The following KAZN variants were observed in gnomAD, a reference collection of about 807,000 sequenced individuals.
KAZN encodes the protein kazrin.
KAZN carries 40 observed loss-of-function variants against 87.4 expected under a neutral mutation model. That is an observed-to-expected ratio of 0.46 (90% CI 0.36 to 0.60). KAZN has a LOEUF of 0.60. Among genes scored for constraint, KAZN ranks in the 20% least tolerant of loss-of-function variants. The probability of loss-of-function intolerance (pLI) is 0.00; values close to 1 mark genes in which losing one functional copy is unlikely to be tolerated. For missense variants in KAZN, 898 were observed against 1,073.9 expected, an observed-to-expected ratio of 0.84 and a Z score of 2.29; for synonymous variants, 466 against 458.3, an observed-to-expected ratio of 1.02 and a Z score of -0.22.
At chr1:14,839,655 T>G (rs536430595) in intron 1 of KAZN, among the ~76,000 whole-genome samples, 40 of 152,298 alleles carry the variant, frequency 2.6e-4, no homozygotes, top group African/African-American at 9.1e-4. Context: ...TCTACCTGTT[T>G]GTGTGTTTGT....
intron 2 of KAZN, among the ~76,000 whole-genome samples, chr1:14,310,390 G>A (rs1571275412): frequency 1.3e-5 from 2 of 152,126 alleles, no homozygotes; most frequent in South Asian, 2.1e-4. Context: ...AGCAGGCCTC[G>A]GATGGTTAAA....
chr1:14,143,679 A>G (rs1645287740), intron 1 of KAZN, among the ~76,000 whole-genome samples: 1 of 151,868 alleles, frequency 6.6e-6, no homozygotes, highest in African/African-American at 2.4e-5. Context: ...GGACTTTGTA[A>G]TTGCTCATCC....
intron 1 of KAZN, among the ~76,000 whole-genome samples, chr1:14,883,342 GAA>G (rs1491582578): frequency 0.15 from 4,991 of 33,334 alleles, 1,511 homozygotes; most frequent in Non-Finnish European, 0.2. Context: ...GAGAGAGAGA[GAA>G]AGAAAGAAAG....
intron 2 of KAZN, among the ~76,000 whole-genome samples, chr1:14,994,178 T>C (rs905977409): frequency 6.6e-6 from 1 of 152,166 alleles, no homozygotes; most frequent in Admixed American, 6.5e-5. Context: ...ATGGGGAGAA[T>C]GGAGGAGGCA....
In KAZN at chr1:14,028,208, A is replaced by G. The variant is rs1233001721; in HGVS notation, c.91+134452A>G. ...TATGGTAAAAACTGGTGTCTGGGAA[A>G]CTACGTAGGTGAGTGTTGCTGGCTC... is the stretch of plus-strand genomic sequence containing the variant. On this transcript the variant is annotated intron_variant, in intron 1 of 16. Transcript: ENST00000636203. Among the ~76,000 whole-genome samples the G allele has an allele frequency of 8.3e-4, 17 of 20,530 alleles. 1 individual carries two copies. The highest frequency in any genetic ancestry group is 5.1e-3 in the Admixed American group (17 of 3,344). 13.5% of individuals were successfully genotyped at this position (20,530 alleles called of 152,430 possible). A position where few individuals can be genotyped will look rare whatever the true frequency, so the allele number is the denominator to read the frequency against.
chr1:14,371,305 G>A (rs147493000), intron 2 of KAZN, among the ~76,000 whole-genome samples: 163 of 152,214 alleles, frequency 1.1e-3, no homozygotes, highest in African/African-American at 3.4e-3. Context: ...AAAACTTTCC[G>A]TCTCTTGAGT....
intron 1 of KAZN, among the ~76,000 whole-genome samples, chr1:14,005,446 C>G (rs114156423): frequency 0.015 from 2,302 of 152,206 alleles, 56 homozygotes; most frequent in African/African-American, 0.053. Flanking sequence ...CAGAGAAGGG[C>G]AGTGCTGGAG....
intron 1 of KAZN, among the ~76,000 whole-genome samples, chr1:14,114,809 C>T (rs938878426): frequency 6.6e-6 from 1 of 152,176 alleles, no homozygotes; most frequent in Non-Finnish European, 1.5e-5. Context: ...ATGCTGAGCC[C>T]TCTAACTCCA....
In KAZN at chr1:15,102,667, C is replaced by T. The variant is rs564781734; in HGVS notation, c.1780-692C>T. Among the ~76,000 whole-genome samples the T allele has an allele frequency of 7.9e-5, 12 of 152,352 alleles. No individual in the cohort carries two copies. In the East Asian group the frequency reaches 1.7e-3, roughly 22 times the overall value. On this transcript the variant is annotated intron_variant, in intron 11 of 14. Transcript: ENST00000376030. ...TCAACCACCCACTGAAAAGCATCCA[C>T]TGTGTGCCTACTGTGAACCCTGGGG...
chr1:14,387,646 C>T (rs543607609), intron 2 of KAZN, among the ~76,000 whole-genome samples: 1 of 152,242 alleles, frequency 6.6e-6, no homozygotes, highest in East Asian at 1.9e-4. Flanking sequence ...GGTCAGGGAC[C>T]CACTTGAGGA....
chr1:14,910,454 G>C (rs1443866572), intron 1 of KAZN, among the ~76,000 whole-genome samples: 2 of 152,116 alleles, frequency 1.3e-5, no homozygotes, highest in Non-Finnish European at 2.9e-5. Context: ...ATAATTCTTT[G>C]CTGTAGGAGG....
Position 15,075,361 on chromosome 1 carries a change from C to T in KAZN, c.1222+9608C>T, listed in dbSNP as rs199641065. On this transcript the variant is annotated intron_variant, in intron 8 of 14. Coordinates refer to ENST00000376030, the MANE Select transcript of KAZN (RefSeq NM_201628.3). ...CCCTTATAGATCAGCACAACCCTTT[C>T]ACTTATTAAGGCTCTGACAAGTTCT... Among the ~76,000 whole-genome samples, 18 of 152,348 alleles carry T rather than the reference C, an allele frequency of 1.2e-4. No homozygotes were observed. The East Asian group carries it at 2.3e-3, about 20-fold the overall frequency.
At chr1:14,082,634 G>A (rs554493792) in intron 1 of KAZN, among the ~76,000 whole-genome samples, 1 of 152,320 alleles carries the variant, frequency 6.6e-6, no homozygotes, top group South Asian at 2.1e-4. Flanking sequence ...CCAAGTCCGA[G>A]CACCATGAAG....
intron 8 of KAZN, among the ~76,000 whole-genome samples, chr1:15,071,177 A>T (rs1169898011): frequency 6.6e-6 from 1 of 152,180 alleles, no homozygotes; most frequent in Non-Finnish European, 1.5e-5. Context: ...TGTCACTAAA[A>T]TGTCCCCCTG....
At chr1:14,244,553 T>G (rs1020143336) in intron 2 of KAZN, among the ~76,000 whole-genome samples, 1 of 152,030 alleles carries the variant, frequency 6.6e-6, no homozygotes, top group African/African-American at 2.4e-5. Flanking sequence ...TGGGACACGA[T>G]AGACAATGCA....
intron 1 of KAZN, among the ~76,000 whole-genome samples, chr1:14,006,462 A>G (rs1640041312): frequency 6.6e-6 from 1 of 152,184 alleles, no homozygotes; most frequent in Admixed American, 6.5e-5. Context: ...GAAATTTTCT[A>G]CGAATTTTAC....
At chr1:14,044,695 G>A (rs1641987312) in intron 1 of KAZN, among the ~76,000 whole-genome samples, 1 of 152,150 alleles carries the variant, frequency 6.6e-6, no homozygotes, top group Admixed American at 6.5e-5. Flanking sequence ...TAACTGTGTA[G>A]CCACTCTAGT....
intron 2 of KAZN, among the ~76,000 whole-genome samples, chr1:14,498,280 C>G (rs1670056941): frequency 6.6e-6 from 1 of 152,218 alleles, no homozygotes; most frequent in South Asian, 2.1e-4. Context: ...TGTGCCAGGT[C>G]GTGTCCACTC....
intron 4 of KAZN, among the ~76,000 whole-genome samples, chr1:15,050,409 C>T (rs1020084629): frequency 1.3e-5 from 2 of 152,104 alleles, no homozygotes; most frequent in East Asian, 1.9e-4. Context: ...TATTTGACCT[C>T]GCACATGTCA....
Sources: allele counts gnomAD v4.1 joint callset (sites outside exome capture counted in the v4.1 genomes callset), GRCh38; gene constraint gnomAD v4.1.1; transcripts MANE v1.5; gene names NCBI Gene and HGNC (gene_info 2026-07-23, HGNC 2026-07-21).